A1CF: variants seen among roughly 807,000 people sequenced by gnomAD.
The protein encoded by A1CF is APOBEC-1 stimulating protein.
A1CF carries 48 observed loss-of-function variants against 68.9 expected under a neutral mutation model. The observed-to-expected ratio is 0.70, with a 90% CI of 0.55 to 0.89. The LOEUF (loss-of-function observed/expected upper bound fraction) is 0.89, where lower values mean the gene tolerates loss of function less well. A1CF is among the 40% of genes least tolerant of loss of function. A1CF has a pLI of 0.00. For missense variants in A1CF, 653 were observed against 718.9 expected (o/e 0.91, Z 1.05); for synonymous variants, 272 against 260.4 (o/e 1.04, Z -0.43).
At chr10:50,817,448 G>C (rs943760520) in intron 8 of A1CF, among the ~76,000 whole-genome samples, 1 of 152,088 alleles carries the variant, frequency 6.6e-6, no homozygotes, top group Non-Finnish European at 1.5e-5. Flanking sequence ...TCAGCCTCTT[G>C]GTCAATTTGT....
intron 3 of A1CF, among the ~76,000 whole-genome samples, chr10:50,846,795 G>GT (rs1169051844): frequency 6.6e-6 from 1 of 152,008 alleles, no homozygotes; most frequent in Non-Finnish European, 1.5e-5. Context: ...GTCTTTCTTT[G>GT]TTTTTTATAA....
Position 50,849,783 on chromosome 10 carries a change from ATTC to A in A1CF, c.100-5664_100-5662del, listed in dbSNP as rs1358369310. 3.8e-3 allele frequency among the ~76,000 whole-genome samples: 438 copies of A among 116,228 alleles called. 1 individual carries two copies. The highest frequency in any genetic ancestry group is 0.011 in the African/African-American group (411 of 36,058). 76.3% of individuals were successfully genotyped at this position (116,228 alleles called of 152,430 possible). ...TAAAAATAGTGAGTTGATTTAATGA[ATTC>A]TTTTTTTTTTTTTTTTTTTTTTTTT... On this transcript the variant is annotated intron_variant, in intron 3 of 12. Coordinates refer to ENST00000373997, the MANE Select transcript of A1CF (RefSeq NM_014576.4).
intron 1 of A1CF, among the ~76,000 whole-genome samples, chr10:50,884,642 G>A (rs1280003735): frequency 6.6e-6 from 1 of 152,148 alleles, no homozygotes; most frequent in Non-Finnish European, 1.5e-5. Context: ...TGCACAATGT[G>A]CAAATAATGC....
rs899265629 is a variant in A1CF at position 50,802,784 on chromosome 10, A to G, written c.*3945T>C. ...TAACTTGATTGCCCTTTATTCTACAAATGGCACACCTAAGAACCTCCCTGT... is the reference window on the plus strand; with the variant it reads ...TAACTTGATTGCCCTTTATTCTACAGATGGCACACCTAAGAACCTCCCTGT... On this transcript the variant is annotated 3_prime_UTR_variant, in exon 13 of 13. Coordinates refer to ENST00000373997, the MANE Select transcript of A1CF (RefSeq NM_014576.4). 4 of 152,218 alleles carry G rather than the reference A, an allele frequency of 2.6e-5. 1 individual carries two copies. The South Asian group carries it at 6.2e-4, about 24-fold the overall frequency. 9.4% of individuals were successfully genotyped at this position (152,218 alleles called of 1,614,324 possible). A position where few individuals can be genotyped will look rare whatever the true frequency, so the allele number is the denominator to read the frequency against.
chr10:50,822,779 C>T (rs1354872722), intron 7 of A1CF: 3 of 152,248 alleles, frequency 2.0e-5, no homozygotes, highest in Non-Finnish European at 2.9e-5. Context: ...TGACTTAATC[C>T]CATGACTTGT....
rs771338521 is a variant in A1CF, at chr10:50,841,855, A to C, written c.365+7T>G. 6.2e-7 allele frequency: 1 copy of C among 1,612,462 alleles called. No individual in the cohort carries two copies. The highest frequency in any genetic ancestry group is 1.7e-5 in the Admixed American group (1 of 59,910). On this transcript the variant is annotated splice_region_variant and intron_variant, in intron 5 of 12. Transcript: ENST00000373997. ...TTCACTTTTAATCTAGAAGAGGCGG[A>C]GCTTACCTAATTTCATAATTATTAA...
chr10:50,880,654 C>A (rs945258658), intron 1 of A1CF, among the ~76,000 whole-genome samples: 3 of 152,070 alleles, frequency 2.0e-5, no homozygotes, highest in Non-Finnish European at 2.9e-5. Context: ...TTAATTACAT[C>A]TAATAATTTA....
At chr10:50,865,582 G>C (rs1214986221) in intron 1 of A1CF, among the ~76,000 whole-genome samples, 2 of 152,064 alleles carry the variant, frequency 1.3e-5, no homozygotes, top group Non-Finnish European at 2.9e-5. Flanking sequence ...GTCCCTTCAG[G>C]ACTAGACCCT....
Position 50,863,567 on chromosome 10 carries a change from G to A in A1CF, c.-46+466C>T, listed in dbSNP as rs187938951. On this transcript the variant is annotated intron_variant, in intron 2 of 12. Transcript: ENST00000373997. ...TCTTCTAAGAATTTTCAAGACATAG[G>A]GATGTAGATGAGAAAAAATAAAACC... is the stretch of plus-strand genomic sequence containing the variant. Among the ~76,000 whole-genome samples the A allele has an allele frequency of 9.9e-5, 15 of 152,172 alleles. No individual in the cohort carries two copies. In the East Asian group the frequency reaches 2.7e-3, roughly 27 times the overall value.
At chr10:50,837,696 G>T (rs915471018) in intron 5 of A1CF, among the ~76,000 whole-genome samples, 1 of 152,160 alleles carries the variant, frequency 6.6e-6, no homozygotes, top group African/African-American at 2.4e-5. Context: ...TCATTCAAAA[G>T]TGCCTCCCCA....
intron 6 of A1CF, among the ~76,000 whole-genome samples, chr10:50,829,824 G>C (rs552560617): frequency 1.3e-5 from 2 of 152,240 alleles, no homozygotes; most frequent in South Asian, 4.1e-4. Flanking sequence ...AATGAAACCT[G>C]GGTTCCACCC....
chr10:50,846,185 G>T (rs976522076), intron 3 of A1CF, among the ~76,000 whole-genome samples: 3 of 152,102 alleles, frequency 2.0e-5, no homozygotes, highest in Non-Finnish European at 4.4e-5. Context: ...ATGGGTATAC[G>T]AAATCGTTAA....
intron 2 of A1CF, among the ~76,000 whole-genome samples, chr10:50,862,320 C>G (rs1840785279): frequency 6.6e-6 from 1 of 151,838 alleles, no homozygotes; most frequent in Non-Finnish European, 1.5e-5. Flanking sequence ...AAGCTGAGAT[C>G]ATGCCATTGC....
At chr10:50,814,301 T>C (rs1838265529) in intron 9 of A1CF, among the ~76,000 whole-genome samples, 1 of 152,226 alleles carries the variant, frequency 6.6e-6, no homozygotes, top group African/African-American at 2.4e-5. Flanking sequence ...ATACTATTGA[T>C]AAGTACACAA....
intron 12 of A1CF, among the ~76,000 whole-genome samples, chr10:50,807,397 AGAAATACT>A (rs573582797): frequency 2.6e-5 from 4 of 152,160 alleles, no homozygotes; most frequent in Admixed American, 6.5e-5. Flanking sequence ...GATCAGTAGG[AGAAATACT>A]GTAAAGGTTA....
chr10:50,835,988 C>A, intron 6 of A1CF, 86 bp downstream of exon 6: 4 of 1,289,188 alleles, frequency 3.1e-6, no homozygotes, highest in South Asian at 3.0e-5. Flanking sequence ...GAAAGATAGC[C>A]AAAAAAAATT....
chr10:50,806,784 T>G lies in A1CF; in HGVS notation c.1706A>C (p.Glu569Ala), dbSNP rs1298751354. 1 of 1,613,424 alleles carries G rather than the reference T, an allele frequency of 6.2e-7. No homozygotes were observed. Among genetic ancestry groups the G allele is most frequent in the Admixed American group, 1.7e-5 (1 of 59,956 alleles). The change falls in exon 13 of 13, where the codon GAG becomes GCG. Residue 569 changes from glutamate (E) to alanine (A), a missense_variant. By Grantham distance (107) the Glu-to-Ala change is moderately radical. Transcript: ENST00000373997. ...AGTCACTGCAAAAGTTGGGTAGACCTCATAGGTTGTATATGCTGCTAAGTC... is the reference window on the plus strand; with the variant it reads ...AGTCACTGCAAAAGTTGGGTAGACCGCATAGGTTGTATATGCTGCTAAGTC... ...GQDLAAYTTY[E>A]VYPTFAVTAR...
At chr10:50,812,287 C>T (rs959093760) in intron 10 of A1CF, among the ~76,000 whole-genome samples, 2 of 152,170 alleles carry the variant, frequency 1.3e-5, no homozygotes, top group African/African-American at 4.8e-5. Flanking sequence ...GGGCTTGTCT[C>T]TCTGCTTCTG....
chr10:50,840,494 TCTCACGTGG>T (rs1839725045), intron 5 of A1CF, among the ~76,000 whole-genome samples: 1 of 152,192 alleles, frequency 6.6e-6, no homozygotes, highest in Non-Finnish European at 1.5e-5. Flanking sequence ...CTAATCTTCC[TCTCACGTGG>T]CTCAGGGCTT....
Sources: gnomAD v4.1 joint callset for allele counts (sites outside exome capture counted in the v4.1 genomes callset) on GRCh38, gnomAD v4.1.1 for gene constraint, MANE v1.5 for transcripts, NCBI Gene and HGNC (gene_info 2026-07-23, HGNC 2026-07-21) for gene names.